The following COL14A1 variants were observed in gnomAD, a reference collection of about 807,000 sequenced individuals.
The protein encoded by COL14A1 is collagen type XIV alpha 1 chain, also known as collagen alpha-1(XIV) chain.
In COL14A1, 136 loss-of-function variants were observed where a neutral mutation model predicts 230.3. The ratio of observed to expected loss-of-function variants is 0.59; its 90% CI spans 0.51 to 0.68. COL14A1 has a LOEUF of 0.68. COL14A1 is among the 30% of genes least tolerant of loss of function. The pLI, the probability that COL14A1 is intolerant of heterozygous loss-of-function variation, is 0.00. For missense variants in COL14A1, 1,976 were observed against 2,215.8 expected (o/e 0.89, Z 2.17); for synonymous variants, 792 against 784.1 (o/e 1.01, Z -0.17).
At position 120,208,242 on chromosome 8, in the gene COL14A1, A is replaced by G; in HGVS notation, c.1202A>G (p.Asp401Gly). The change falls in exon 11 of 48, where the codon GAT (aspartate) becomes GGT (glycine). Residue 401 changes from aspartate to glycine, a missense_variant. Transcript: ENST00000297848. The part of the protein sequence containing the change: ...RGGKPDEVVV[D>G]GTVSSTVLKN... ...CTGTTCTTTAAACAGGTGGTGGTAG[A>G]TGGAACTGTATCTTCCACAGTGTTG... 1 of 1,610,158 alleles carries G rather than the reference A, an allele frequency of 6.2e-7. No homozygotes were observed. Among genetic ancestry groups the G allele is most frequent in the Non-Finnish European group, 8.5e-7 (1 of 1,177,524 alleles).
At position 120,250,663 on chromosome 8, in the gene COL14A1, C is replaced by A; in HGVS notation, c.2649C>A (p.Thr883=). 6.2e-7 allele frequency: 1 copy of A among 1,614,198 alleles called. No homozygotes were observed. The highest frequency in any genetic ancestry group is 2.2e-5 in the East Asian group (1 of 44,890). Residue 883 remains threonine (T), a synonymous_variant, in exon 22 of 48, where the codon ACC becomes ACA. Coordinates refer to ENST00000297848, the MANE Select transcript of COL14A1 (RefSeq NM_021110.4). ...LETFVGADIN[T]ILITNLLSGM... ...CGTTTGTGGGAGCTGACATTAACACCATCCTTATCACAAACCTCCTCAGCG... is the reference window on the plus strand; with the variant it reads ...CGTTTGTGGGAGCTGACATTAACACAATCCTTATCACAAACCTCCTCAGCG...
intron 34 of COL14A1, among the ~76,000 whole-genome samples, chr8:120,290,766 G>C (rs1178841807): frequency 6.6e-6 from 1 of 152,178 alleles, no homozygotes; most frequent in Non-Finnish European, 1.5e-5. Context: ...CCAAGTGGGA[G>C]AGTGATTTAC....
intron 45 of COL14A1, among the ~76,000 whole-genome samples, chr8:120,350,563 C>CA: frequency 6.7e-6 from 1 of 150,204 alleles, no homozygotes. Flanking sequence ...CAATGGAAAA[C>CA]AAAAAAAGGC....
chr8:120,329,677 C>T, intron 40 of COL14A1, among the ~76,000 whole-genome samples: 1 of 152,052 alleles, frequency 6.6e-6, no homozygotes, highest in Admixed American at 6.6e-5. Flanking sequence ...GGTCTAAGGA[C>T]CTGTGTATGT....
chr8:120,272,001 A>G (rs776071095), intron 26 of COL14A1, among the ~76,000 whole-genome samples: 18 of 151,622 alleles, frequency 1.2e-4, no homozygotes, highest in Non-Finnish European at 2.4e-4. Context: ...GGTGGTAGCA[A>G]TGAGGTACAC....
intron 2 of COL14A1, among the ~76,000 whole-genome samples, chr8:120,151,197 C>T (rs1212630496): frequency 3.3e-5 from 5 of 152,170 alleles, no homozygotes; most frequent in Admixed American, 6.5e-5. Flanking sequence ...TCTACCATTA[C>T]GCCTCTTATT....
intron 20 of COL14A1, among the ~76,000 whole-genome samples, chr8:120,246,739 C>T (rs1020265732): frequency 3.9e-5 from 6 of 152,232 alleles, no homozygotes; most frequent in South Asian, 4.2e-4. Context: ...AACACAACTA[C>T]GTTTTATCAA....
chr8:120,298,597 T>TTTTATATA lies in COL14A1; in HGVS notation c.4314+1010_4314+1011insTTATATAT, dbSNP rs576663862. 5.3e-3 allele frequency among the ~76,000 whole-genome samples: 308 copies of TTTTATATA among 57,870 alleles called. 1 individual carries two copies. The highest frequency in any genetic ancestry group is 0.014 in the Middle Eastern group (1 of 74). 38.0% of individuals were successfully genotyped at this position (57,870 alleles called of 152,430 possible). A position where few individuals can be genotyped will look rare whatever the true frequency, so the allele number is the denominator to read the frequency against. On this transcript the variant is annotated intron_variant, in intron 35 of 47. Coordinates refer to ENST00000297848, the MANE Select transcript of COL14A1 (RefSeq NM_021110.4). ...TGGGATGTGTGTATACCCATATATT[T>TTTTATATA]TATATATATATATATATATATATAT...
At chr8:120,349,321 C>A (rs1402820896) in intron 45 of COL14A1, among the ~76,000 whole-genome samples, 1 of 149,114 alleles carries the variant, frequency 6.7e-6, no homozygotes, top group Non-Finnish European at 1.5e-5. Flanking sequence ...CTCTGAAAAT[C>A]AGAGTGCCTC....
At chr8:120,134,713 G>A (rs375133848) in intron 1 of COL14A1, among the ~76,000 whole-genome samples, 31 of 152,242 alleles carry the variant, frequency 2.0e-4, no homozygotes, top group Admixed American at 1.8e-3. Context: ...GGTGGCTCAC[G>A]CTTGTAATCC....
At chr8:120,202,302 G>A (rs1473926017) in intron 8 of COL14A1, among the ~76,000 whole-genome samples, 1 of 152,170 alleles carries the variant, frequency 6.6e-6, no homozygotes, top group African/African-American at 2.4e-5. Flanking sequence ...TTATTAACCT[G>A]CAACCTCCTA....
chr8:120,342,975 C>T (rs942905503), intron 44 of COL14A1, among the ~76,000 whole-genome samples: 3 of 152,196 alleles, frequency 2.0e-5, no homozygotes, highest in Non-Finnish European at 4.4e-5. Flanking sequence ...CACACATGAA[C>T]AGGCTTGCTC....
In COL14A1 at chr8:120,341,333, T is replaced by C. The variant is rs142157884; in HGVS notation, c.4794T>C (p.Pro1598=). Residue 1598 remains proline (P), a synonymous_variant, in exon 43 of 48, where the codon CCT becomes CCC. Coordinates refer to ENST00000297848, the MANE Select transcript of COL14A1 (RefSeq NM_021110.4). ...PQGALGPPGV[P]GAKGERGERG... is the part of the protein sequence containing the mutation. ...ATTTTCCATTTATACAGGGTGTCCC[T>C]GGAGCAAAGGGGGAACGAGGAGAGC... 1 of 1,614,084 alleles carries C rather than the reference T, an allele frequency of 6.2e-7. No homozygotes were observed. The highest frequency in any genetic ancestry group is 1.3e-5 in the African/African-American group (1 of 74,944).
chr8:120,311,660 A>G (rs1821042777), intron 37 of COL14A1, among the ~76,000 whole-genome samples: 2 of 152,154 alleles, frequency 1.3e-5, no homozygotes, highest in African/African-American at 4.8e-5. Flanking sequence ...ATTTTGTTGC[A>G]GCAAATACAG....
In COL14A1 at chr8:120,371,153, T is replaced by C. The variant is rs1823572622; in HGVS notation, c.5313T>C (p.Ala1771=). The change falls in exon 48 of 48, where the codon GCT becomes GCC. Residue 1771 remains alanine, a splice_region_variant and synonymous_variant. Coordinates refer to ENST00000297848, the MANE Select transcript of COL14A1 (RefSeq NM_021110.4). ...PSSCSAYGVR[A]PHPDQPEFTP... ...CCCACCCCCACTTTTCCTCTTTAGC[T>C]CCCCATCCAGATCAGCCAGAGTTCA... 4 of 1,607,338 alleles carry C rather than the reference T, an allele frequency of 2.5e-6. No individual in the cohort carries two copies. The highest frequency in any genetic ancestry group is 3.4e-6 in the Non-Finnish European group (4 of 1,177,458).
intron 22 of COL14A1, among the ~76,000 whole-genome samples, chr8:120,252,354 G>A (rs959368490): frequency 1.3e-5 from 2 of 152,060 alleles, no homozygotes; most frequent in South Asian, 2.1e-4. Flanking sequence ...CAAACCTCCC[G>A]TCTTTAGTCC....
chr8:120,197,160 A>G (rs1224858602), intron 6 of COL14A1, among the ~76,000 whole-genome samples: 1 of 152,168 alleles, frequency 6.6e-6, no homozygotes, highest in Non-Finnish European at 1.5e-5. Flanking sequence ...AACATATTTT[A>G]ATCTTCTGAA....
intron 35 of COL14A1, among the ~76,000 whole-genome samples, chr8:120,298,059 G>A (rs1321298753): frequency 6.6e-6 from 1 of 152,052 alleles, no homozygotes; most frequent in Non-Finnish European, 1.5e-5. Flanking sequence ...GTTGGGATGT[G>A]TGTGCTACCT....
chr8:120,182,869 G>C (rs1279761994), intron 5 of COL14A1, among the ~76,000 whole-genome samples: 1 of 151,556 alleles, frequency 6.6e-6, no homozygotes, highest in Non-Finnish European at 1.5e-5. Flanking sequence ...TAGGACTACA[G>C]GCGTGTGACA....
Sources: allele counts gnomAD v4.1 joint callset (sites outside exome capture counted in the v4.1 genomes callset), GRCh38; gene constraint gnomAD v4.1.1; transcripts MANE v1.5; gene names NCBI Gene and HGNC (gene_info 2026-07-23, HGNC 2026-07-21).